Variants in CRACD observed in about 807,000 individuals in gnomAD.
The protein encoded by CRACD is capping protein inhibiting regulator of actin dynamics, also known as capping protein-inhibiting regulator of actin dynamics.
A neutral mutation model predicts 106.8 loss-of-function variants in CRACD; 56 were observed. The observed-to-expected ratio is 0.52, with a 90% CI of 0.42 to 0.66. CRACD has a LOEUF of 0.66. Ranked by LOEUF, CRACD falls within the 30% of genes least tolerant of loss-of-function variation. The probability of loss-of-function intolerance (pLI) is 0.00; values close to 1 mark genes in which losing one functional copy is unlikely to be tolerated. For missense variants in CRACD, 1,730 were observed against 1,623.2 expected (o/e 1.07, Z -1.13); for synonymous variants, 754 against 670.8 (o/e 1.12, Z -1.92).
chr4:56,155,167 G>C (rs138276185), intron 1 of CRACD, among the ~76,000 whole-genome samples: 185 of 152,232 alleles, frequency 1.2e-3, no homozygotes, highest in African/African-American at 4.0e-3. Flanking sequence ...ATTGGCACAA[G>C]TCTTTTCATT....
chr4:56,248,927 G>A (rs1450425504), intron 2 of CRACD, among the ~76,000 whole-genome samples: 2 of 143,658 alleles, frequency 1.4e-5, no homozygotes, highest in Non-Finnish European at 3.0e-5. Context: ...TGGCTGCATA[G>A]TATTCCATGG....
chr4:56,075,479 G>A (rs1732809084), intron 1 of CRACD, among the ~76,000 whole-genome samples: 1 of 152,166 alleles, frequency 6.6e-6, no homozygotes, highest in African/African-American at 2.4e-5. Context: ...TTGCATAGAG[G>A]TGTTTATAGT....
chr4:56,277,441 C>A (rs1742736268), intron 3 of CRACD, among the ~76,000 whole-genome samples: 1 of 135,086 alleles, frequency 7.4e-6, no homozygotes. Context: ...ATCCAACATC[C>A]TTTCATGATT....
chr4:56,314,924 C>T lies in CRACD; in HGVS notation c.1422C>T (p.Ala474=). 1 of 1,603,398 alleles carries T rather than the reference C, an allele frequency of 6.2e-7. No homozygotes were observed. Among genetic ancestry groups the T allele is most frequent in the South Asian group, 1.1e-5 (1 of 88,842 alleles). Residue 474 remains alanine, a synonymous_variant, in exon 8 of 11, where the codon GCC becomes GCT. Transcript: ENST00000682029. This position sits in a 1 kb window ranked among gnomAD's most constrained non-coding sequence, Gnocchi z 4.4. ...GAAGGAGCGGGGATTTCCAGGGGGC[C>T]GATCGTCCTGGGCCCGAGGAAAAGA... The part of the protein sequence containing the change: ...QQGRSGDFQG[A]DRPGPEEKRE...
rs73817334 is a variant in CRACD at position 56,107,625 on chromosome 4, G to C, written c.-336+58326G>C. On this transcript the variant is annotated intron_variant, in intron 1 of 10. Coordinates refer to ENST00000682029, the MANE Select transcript of CRACD (RefSeq NM_001393381.1). ...GGGCTACCCCATGGAGTGGCAATGA[G>C]CTGTCCTTCTTTTCAAGTTTCGAAG... 5.1e-3 allele frequency among the ~76,000 whole-genome samples: 781 copies of C among 152,286 alleles called. 7 individuals are homozygous for C. Among genetic ancestry groups the C allele is most frequent in the African/African-American group, 0.018 (734 of 41,562 alleles).
chr4:56,088,717 A>G (rs1432375369), intron 1 of CRACD, among the ~76,000 whole-genome samples: 1 of 151,858 alleles, frequency 6.6e-6, no homozygotes, highest in East Asian at 1.9e-4. Flanking sequence ...TGAACAAATT[A>G]TATACTGTAC....
intron 1 of CRACD, among the ~76,000 whole-genome samples, chr4:56,144,776 C>T (rs768732323): frequency 3.3e-5 from 5 of 151,956 alleles, no homozygotes; most frequent in Non-Finnish European, 5.9e-5. Context: ...TGTCTCAGCC[C>T]CCCAGTAGCT....
intron 1 of CRACD, among the ~76,000 whole-genome samples, chr4:56,100,683 G>A (rs1654261785): frequency 6.6e-6 from 1 of 152,150 alleles, no homozygotes; most frequent in South Asian, 2.1e-4. Context: ...CATAAGAAGA[G>A]GAAATTTGGA....
intron 1 of CRACD, among the ~76,000 whole-genome samples, chr4:56,094,578 C>T (rs1350640682): frequency 6.6e-6 from 1 of 152,006 alleles, no homozygotes; most frequent in Admixed American, 6.5e-5. Flanking sequence ...TTTAGCCTCC[C>T]GAGTAGCTGG....
rs760674377 is a variant in CRACD at position 56,314,699 on chromosome 4, G to C, written c.1197G>C (p.Glu399Asp). Residue 399 changes from glutamate to aspartate, a missense_variant, in exon 8 of 11, where the codon GAG becomes GAC. Glu to Asp is a conservative substitution (Grantham distance 45). Transcript: ENST00000682029. The surrounding 1 kb of genome is among the most constrained non-coding windows in gnomAD (Gnocchi z 4.4). The part of the protein sequence containing the change: ...TGEGRRGAEE[E>D]DLGEEEEEGQ... The stretch of plus-strand genomic sequence containing the variant: ...AGGGCCGGCGGGGCGCGGAGGAGGA[G>C]GATCTGGGGGAAGAGGAGGAGGAGG... 4.5e-6 allele frequency: 7 copies of C among 1,559,184 alleles called. No homozygotes were observed. Among genetic ancestry groups the C allele is most frequent in the Non-Finnish European group, 6.1e-6 (7 of 1,151,560 alleles).
intron 2 of CRACD, among the ~76,000 whole-genome samples, chr4:56,260,804 A>G (rs1033810497): frequency 2.6e-5 from 4 of 152,166 alleles, no homozygotes; most frequent in African/African-American, 4.8e-5. Flanking sequence ...AGACTTGCCT[A>G]GCCTGGCCTT....
chr4:56,104,162 C>T (rs907024500), intron 1 of CRACD, among the ~76,000 whole-genome samples: 2 of 152,042 alleles, frequency 1.3e-5, no homozygotes, highest in South Asian at 2.1e-4. Flanking sequence ...TTTGGGAGGC[C>T]GAGGTGGGAG....
intron 1 of CRACD, among the ~76,000 whole-genome samples, chr4:56,083,767 G>A (rs528200826): frequency 3.3e-5 from 5 of 152,178 alleles, no homozygotes; most frequent in Non-Finnish European, 7.4e-5. Flanking sequence ...CTTGAGCCCA[G>A]GAGTTTGAGA....
At chr4:56,192,501 A>C (rs532791989) in intron 2 of CRACD, among the ~76,000 whole-genome samples, 1 of 152,324 alleles carries the variant, frequency 6.6e-6, no homozygotes, top group African/African-American at 2.4e-5. Context: ...TGTAGTTACT[A>C]AATAGGGCGT....
intron 2 of CRACD, among the ~76,000 whole-genome samples, chr4:56,221,880 CA>C (rs1419755940): frequency 2.0e-5 from 3 of 152,126 alleles, no homozygotes; most frequent in African/African-American, 7.2e-5. Flanking sequence ...ATTAAAAAGT[CA>C]AAAAACAGTA....
chr4:56,052,129 T>C (rs1018469063), intron 1 of CRACD, among the ~76,000 whole-genome samples: 2 of 152,204 alleles, frequency 1.3e-5, no homozygotes, highest in Non-Finnish European at 2.9e-5. Flanking sequence ...TCTCAAGCAA[T>C]CCTCCTGCCT....
rs201814296 is a variant in CRACD, at chr4:56,315,015, G to T, written c.1513G>T (p.Val505Leu). The T allele has an allele frequency of 6.3e-6, 10 of 1,591,100 alleles. No individual in the cohort carries two copies. The East Asian group carries it at 2.3e-4, about 36-fold the overall frequency. Reference protein sequence around the residue: ...EGPVEAAQPPVERKEAAALEQ... With the variant: ...EGPVEAAQPPLERKEAAALEQ... ...GCCGGTGGAAGCCGCGCAGCCTCCG[G>T]TGGAGAGGAAAGAAGCCGCCGCCCT... The change falls in exon 8 of 11, where the codon GTG (valine) becomes TTG (leucine). Residue 505 changes from valine to leucine, a missense_variant. By Grantham distance (32) the Val-to-Leu change is conservative. Transcript: ENST00000682029. This position sits in a 1 kb window ranked among gnomAD's most constrained non-coding sequence, Gnocchi z 4.1.
intron 1 of CRACD, among the ~76,000 whole-genome samples, chr4:56,128,779 T>C (rs969311075): frequency 3.9e-5 from 6 of 152,284 alleles, no homozygotes; most frequent in African/African-American, 1.2e-4. Flanking sequence ...CCGCATAAAA[T>C]GTTCTTTTCT....
At chr4:56,127,369 A>T (rs2109861170) in intron 1 of CRACD, among the ~76,000 whole-genome samples, 1 of 152,330 alleles carries the variant, frequency 6.6e-6, no homozygotes, top group East Asian at 1.9e-4. Context: ...TAGGGAGAAA[A>T]ATAACTTTAT....
Sources: gnomAD v4.1 joint callset for allele counts (sites outside exome capture counted in the v4.1 genomes callset) on GRCh38, gnomAD v4.1.1 for gene constraint, Gnocchi (gnomAD v3.1) non-coding constraint, MANE v1.5 for transcripts, NCBI Gene and HGNC (gene_info 2026-07-23, HGNC 2026-07-21) for gene names.